COPS7B: variants seen among roughly 807,000 people sequenced by gnomAD.
COPS7B encodes the protein COP9 signalosome subunit 7B.
Under a neutral mutation model 33.4 loss-of-function variants are expected in COPS7B, and 9 were observed. The ratio of observed to expected loss-of-function variants is 0.27; its 90% CI spans 0.16 to 0.47. COPS7B has a LOEUF of 0.47. COPS7B is among the 20% of genes least tolerant of loss of function. COPS7B has a pLI of 0.99. For synonymous variants in COPS7B, 119 were observed against 126.3 expected (o/e 0.94, Z 0.39); for missense variants, 242 against 318.2 (o/e 0.76, Z 1.82).
intron 6 of COPS7B, among the ~76,000 whole-genome samples, chr2:231,805,490 G>C (rs979875406): frequency 6.9e-6 from 1 of 144,798 alleles, no homozygotes; most frequent in African/African-American, 2.6e-5. Flanking sequence ...CCAGGCACTG[G>C]GTCTTGCTGT....
chr2:231,790,160 A>G (rs2049370531), intron 2 of COPS7B: 1 of 152,210 alleles, frequency 6.6e-6, no homozygotes, highest in Non-Finnish European at 1.5e-5. Flanking sequence ...AGAGATGACC[A>G]AGGGGTAATA....
At chr2:231,804,925 C>T (rs770491185) in intron 6 of COPS7B, among the ~76,000 whole-genome samples, 1 of 152,074 alleles carries the variant, frequency 6.6e-6, no homozygotes, top group Non-Finnish European at 1.5e-5. Context: ...GATTTTAGTT[C>T]ATTTTCTTCT....
At chr2:231,787,097 T>C (rs1030114393) in intron 1 of COPS7B, among the ~76,000 whole-genome samples, 2 of 152,140 alleles carry the variant, frequency 1.3e-5, no homozygotes, top group Non-Finnish European at 1.5e-5. Context: ...CTTCCCTCTT[T>C]ACCGTCACCG....
intron 6 of COPS7B, 112 bp downstream of exon 6, chr2:231,799,076 C>T (rs769719963): frequency 1.3e-4 from 115 of 901,680 alleles, no homozygotes; most frequent in Non-Finnish European, 1.9e-4. Flanking sequence ...AAGCAGTCAC[C>T]AACAAGTGGG....
At chr2:231,794,094 A>C (rs568998771) in intron 3 of COPS7B, 169 bp from the exon 4 acceptor site, 8 of 515,916 alleles carry the variant, frequency 1.6e-5, no homozygotes, top group African/African-American at 1.5e-4. Flanking sequence ...CTTCTTTGGA[A>C]GTACATAGTC....
upstream of COPS7B, among the ~76,000 whole-genome samples, chr2:231,783,012 C>G (rs1245684816): frequency 1.3e-5 from 2 of 152,156 alleles, no homozygotes; most frequent in Non-Finnish European, 2.9e-5. Context: ...CACCATAGAT[C>G]AGTTTTCTCT....
At chr2:231,795,360 G>GT (rs1349162929) in intron 4 of COPS7B, among the ~76,000 whole-genome samples, 1 of 152,130 alleles carries the variant, frequency 6.6e-6, no homozygotes, top group Non-Finnish European at 1.5e-5. Context: ...ACTGCACTTG[G>GT]TTTTTTTGTT....
intron 5 of COPS7B, 100 bp downstream of exon 5, chr2:231,796,408 T>G: frequency 9.8e-7 from 1 of 1,017,242 alleles, no homozygotes; most frequent in Non-Finnish European, 1.5e-6. Context: ...GGGGTGGGCC[T>G]GTAGCTACCT....
upstream of COPS7B, among the ~76,000 whole-genome samples, chr2:231,785,484 T>C (rs2049218914): frequency 6.6e-6 from 1 of 152,214 alleles, no homozygotes; most frequent in African/African-American, 2.4e-5. Flanking sequence ...TCTTCTGTGC[T>C]TCCAAAGTGT....
chr2:231,805,466 A>G (rs1270059753), intron 6 of COPS7B, among the ~76,000 whole-genome samples: 1 of 146,030 alleles, frequency 6.8e-6, no homozygotes, highest in Non-Finnish European at 1.5e-5. Flanking sequence ...ATATATATAT[A>G]TATTTATATA....
chr2:231,786,516 G>A lies in COPS7B; in HGVS notation c.-39G>A, dbSNP rs2049247571. 1 of 985,804 alleles carries A rather than the reference G, an allele frequency of 1.0e-6. No homozygotes were observed. The highest frequency in any genetic ancestry group is 4.7e-5 in the South Asian group (1 of 21,294). 61.1% of individuals were successfully genotyped at this position (985,804 alleles called of 1,614,324 possible). A position where few individuals can be genotyped will look rare whatever the true frequency, so the allele number is the denominator to read the frequency against. ...CGGGAGGCCGAGCCAGCGACTAAGA[G>A]GACCGAGAGGTGGCGTGGACAGGTA... On this transcript the variant is annotated 5_prime_UTR_variant, in exon 1 of 7. Coordinates refer to ENST00000350033, the MANE Select transcript of COPS7B (RefSeq NM_022730.4).
chr2:231,785,823 C>T (rs1029359762), upstream of COPS7B, among the ~76,000 whole-genome samples: 2 of 152,240 alleles, frequency 1.3e-5, no homozygotes, highest in Non-Finnish European at 2.9e-5. Flanking sequence ...GCAACTCTAT[C>T]AATGACATTT....
upstream of COPS7B, among the ~76,000 whole-genome samples, chr2:231,782,155 T>C (rs758601663): frequency 6.6e-6 from 1 of 152,208 alleles, no homozygotes; most frequent in Non-Finnish European, 1.5e-5. Context: ...TCACAGCAAG[T>C]TCGGGCAGAG....
At chr2:231,798,259 T>TCTTTTTC (rs57852460) in intron 5 of COPS7B, among the ~76,000 whole-genome samples, 1 of 147,108 alleles carries the variant, frequency 6.8e-6, no homozygotes, top group African/African-American at 2.5e-5. Flanking sequence ...ACCTTCTTTT[T>TCTTTTTC]TTTTTTTTTT....
At chr2:231,795,756 A>G (rs1342207327) in intron 4 of COPS7B, among the ~76,000 whole-genome samples, 2 of 152,172 alleles carry the variant, frequency 1.3e-5, no homozygotes, top group Non-Finnish European at 2.9e-5. Context: ...ATGGTGATCT[A>G]GCAAAGTCTG....
intron 6 of COPS7B, among the ~76,000 whole-genome samples, chr2:231,800,567 A>T (rs1327034602): frequency 6.6e-6 from 1 of 152,230 alleles, no homozygotes; most frequent in Non-Finnish European, 1.5e-5. Context: ...TATAAATAGC[A>T]TCAGACAAAA....
At chr2:231,795,908 G>A (rs2106326957) in intron 4 of COPS7B, among the ~76,000 whole-genome samples, 198 bp from the exon 5 acceptor site, 1 of 152,324 alleles carries the variant, frequency 6.6e-6, no homozygotes, top group African/African-American at 2.4e-5. Context: ...AGAGAACCAG[G>A]AGGTTGCTTT....
chr2:231,784,100 C>T (rs537429198), upstream of COPS7B, among the ~76,000 whole-genome samples: 5 of 90,670 alleles, frequency 5.5e-5, no homozygotes, highest in South Asian at 4.2e-4. Flanking sequence ...TAAGTTGTGC[C>T]GGGCATGGGA....
Position 231,808,420 on chromosome 2 carries a change from G to A in COPS7B, c.*775G>A, listed in dbSNP as rs548161020. On this transcript the variant is annotated 3_prime_UTR_variant, in exon 7 of 7. Transcript: ENST00000350033. ...TACTCAGCCTTGTTTTCGGTGTGTA[G>A]GCCCCAGCTGCCCACTGGAACTGCC... is the stretch of plus-strand genomic sequence containing the variant. 1.9e-5 allele frequency: 9 copies of A among 471,286 alleles called. No homozygotes were observed. Among genetic ancestry groups the A allele is most frequent in the Non-Finnish European group, 3.5e-5 (8 of 227,044 alleles). The allele number at this position is 471,286 out of a possible 1,614,324, so 29.2% of individuals were successfully genotyped here.
Sources: gnomAD v4.1 joint callset for allele counts (sites outside exome capture counted in the v4.1 genomes callset) on GRCh38, gnomAD v4.1.1 for gene constraint, MANE v1.5 for transcripts, NCBI Gene and HGNC (gene_info 2026-07-23, HGNC 2026-07-21) for gene names.